The following CLMN variants were observed in gnomAD, a reference collection of about 807,000 sequenced individuals.
CLMN encodes the protein calmin (calponin-like, transmembrane).
CLMN carries 57 observed loss-of-function variants against 92.7 expected under a neutral mutation model. The ratio of observed to expected loss-of-function variants is 0.61; its 90% CI spans 0.50 to 0.77. The LOEUF is 0.77. CLMN is among the 30% of genes least tolerant of loss of function. The pLI is 0.00. For missense variants in CLMN, 1,158 were observed against 1,237.5 expected (o/e 0.94, Z 0.96); for synonymous variants, 466 against 470.6 (o/e 0.99, Z 0.13).
chr14:95,297,034 C>T (rs1900835197), intron 1 of CLMN, among the ~76,000 whole-genome samples: 3 of 152,078 alleles, frequency 2.0e-5, no homozygotes, highest in African/African-American at 7.2e-5. Context: ...GTTCTGGGCT[C>T]GGTGCTTGCC....
chr14:95,261,302 G>C (rs1243009816), intron 1 of CLMN, among the ~76,000 whole-genome samples: 1 of 152,164 alleles, frequency 6.6e-6, no homozygotes, highest in Non-Finnish European at 1.5e-5. Flanking sequence ...ACCTCCGCTG[G>C]GAACGTGCGC....
intron 1 of CLMN, among the ~76,000 whole-genome samples, chr14:95,288,774 G>A (rs187415207): frequency 3.3e-5 from 5 of 152,308 alleles, no homozygotes; most frequent in Admixed American, 6.5e-5. Context: ...GTTCTTCACA[G>A]CACATTCATA....
In CLMN at chr14:95,222,380, G is replaced by T. The variant is rs1461125210; in HGVS notation, c.241-606C>A. On this transcript the variant is annotated intron_variant, in intron 3 of 12. Coordinates refer to ENST00000298912, the MANE Select transcript of CLMN (RefSeq NM_024734.4). ...TGACAAGGTTAGCTCTACATACCAGGAATACCATCACAGCCAACTCACCCT... is the reference window on the plus strand; with the variant it reads ...TGACAAGGTTAGCTCTACATACCAGTAATACCATCACAGCCAACTCACCCT... 13 of 327,260 alleles carry T rather than the reference G, an allele frequency of 4.0e-5. No homozygotes were observed. The Admixed American group carries it at 5.2e-4, about 13-fold the overall frequency. 20.3% of individuals were successfully genotyped at this position (327,260 alleles called of 1,614,324 possible).
chr14:95,318,560 G>T (rs1248585793), intron 1 of CLMN, among the ~76,000 whole-genome samples: 2 of 152,096 alleles, frequency 1.3e-5, no homozygotes, highest in Non-Finnish European at 2.9e-5. Flanking sequence ...CAGCGCTGGG[G>T]CTCCCTACCC....
At chr14:95,282,284 A>G (rs1038487773) in intron 1 of CLMN, among the ~76,000 whole-genome samples, 1 of 151,974 alleles carries the variant, frequency 6.6e-6, no homozygotes, top group Non-Finnish European at 1.5e-5. Flanking sequence ...AGAGTGGCCA[A>G]ACCAGACTTC....
At chr14:95,281,403 T>A (rs1003278468) in intron 1 of CLMN, among the ~76,000 whole-genome samples, 1 of 152,230 alleles carries the variant, frequency 6.6e-6, no homozygotes, top group Non-Finnish European at 1.5e-5. Context: ...AGTCCTACTG[T>A]TACTTCTTTT....
chr14:95,294,269 G>A lies in CLMN; in HGVS notation c.82+25442C>T, dbSNP rs532983756. 2.1e-4 allele frequency among the ~76,000 whole-genome samples: 32 copies of A among 152,346 alleles called. No homozygotes were observed. Among genetic ancestry groups the A allele is most frequent in the African/African-American group, 6.5e-4 (27 of 41,582 alleles). On this transcript the variant is annotated intron_variant, in intron 1 of 12. Transcript: ENST00000298912. This position sits in a 1 kb window ranked among gnomAD's most constrained non-coding sequence, Gnocchi z 4.2. ...GAAAAGGCATGGCCCCTGCTTGCAC[G>A]GGGAAGACAAAATTTAACCAAGAAA...
intron 1 of CLMN, among the ~76,000 whole-genome samples, chr14:95,306,329 C>G (rs10137236): frequency 0.087 from 13,302 of 152,110 alleles, 808 homozygotes; most frequent in African/African-American, 0.17. Context: ...CTGGCCTACA[C>G]GGTGAAACCC....
At chr14:95,263,439 C>T (rs1027193211) in intron 1 of CLMN, among the ~76,000 whole-genome samples, 1 of 152,148 alleles carries the variant, frequency 6.6e-6, no homozygotes, top group Non-Finnish European at 1.5e-5. Context: ...CAGCCAAACC[C>T]TATTACCCAC....
Position 95,196,611 on chromosome 14 carries a change from C to CT in CLMN, c.2594dup (p.Glu866GlyfsTer25), listed in dbSNP as rs765275173. ...CGTGGTCCACATGTTTCCTTTTTTC[C>CT]TTTTTTTTACTACTGATTGATTCTT... is the stretch of plus-strand genomic sequence containing the variant. On this transcript the variant is annotated frameshift_variant, in exon 10 of 13. Coordinates refer to ENST00000298912, the MANE Select transcript of CLMN (RefSeq NM_024734.4). LOFTEE classifies it high-confidence loss of function. 5.5e-5 allele frequency: 89 copies of CT among 1,613,688 alleles called. No homozygotes were observed. Among genetic ancestry groups the CT allele is most frequent in the South Asian group, 9.9e-5 (9 of 91,064 alleles).
chr14:95,257,022 C>G (rs1052562797), intron 1 of CLMN, among the ~76,000 whole-genome samples: 1 of 152,196 alleles, frequency 6.6e-6, no homozygotes, highest in Non-Finnish European at 1.5e-5. Flanking sequence ...GAGGGGGACA[C>G]AGAGGAGGGA....
In CLMN at chr14:95,185,281, C is replaced by T. The variant is rs8020060; in HGVS notation, c.*6283G>A. 6,349 of 152,348 alleles carry T rather than the reference C, an allele frequency of 0.042. 179 individuals are homozygous for T. The highest frequency in any genetic ancestry group is 0.11 in the Middle Eastern group (32 of 294). 9.4% of individuals were successfully genotyped at this position (152,348 alleles called of 1,614,324 possible). The stretch of plus-strand genomic sequence containing the variant: ...AAGGAAATGCCTGATGAGAGCAAGG[C>T]GCAAGATCTGTGGAGCTCAAGGGGA... On this transcript the variant is annotated 3_prime_UTR_variant, in exon 13 of 13. Coordinates refer to ENST00000298912, the MANE Select transcript of CLMN (RefSeq NM_024734.4).
chr14:95,282,396 G>T (rs1022775642), intron 1 of CLMN, among the ~76,000 whole-genome samples: 1 of 152,212 alleles, frequency 6.6e-6, no homozygotes, highest in Non-Finnish European at 1.5e-5. Context: ...GTCTAGGCAT[G>T]TGTGATGGAG....
Position 95,295,666 on chromosome 14 carries a change from C to A in CLMN, c.82+24045G>T, listed in dbSNP as rs11849418. ...CACAAAAACAAAGGGGTGGGAGAGG[C>A]CCGTTGGGACAAAGGTCAGTGTTCT... On this transcript the variant is annotated intron_variant, in intron 1 of 12. Coordinates refer to ENST00000298912, the MANE Select transcript of CLMN (RefSeq NM_024734.4). Among the ~76,000 whole-genome samples, 761 of 152,330 alleles carry A rather than the reference C, an allele frequency of 5.0e-3. 2 individuals are homozygous for A. Among genetic ancestry groups the A allele is most frequent in the African/African-American group, 0.017 (716 of 41,558 alleles).
intron 4 of CLMN, among the ~76,000 whole-genome samples, chr14:95,220,457 G>A (rs916953215): frequency 3.3e-5 from 5 of 152,156 alleles, no homozygotes; most frequent in Non-Finnish European, 5.9e-5. Context: ...GATTACAGGC[G>A]TGAGCCACCG....
intron 1 of CLMN, among the ~76,000 whole-genome samples, chr14:95,239,812 C>T (rs1321164244): frequency 6.6e-6 from 1 of 152,200 alleles, no homozygotes; most frequent in East Asian, 1.9e-4. Flanking sequence ...AACGTTCTTA[C>T]AGAATCCTGC....
At chr14:95,295,481 G>T (rs369983545) in intron 1 of CLMN, among the ~76,000 whole-genome samples, 4 of 152,330 alleles carry the variant, frequency 2.6e-5, no homozygotes, top group East Asian at 3.9e-4. Flanking sequence ...CTGCACAGGG[G>T]ATACGTACGG....
At chr14:95,226,325 G>T (rs1897710065) in intron 2 of CLMN, among the ~76,000 whole-genome samples, 1 of 152,016 alleles carries the variant, frequency 6.6e-6, no homozygotes, top group South Asian at 2.1e-4. Flanking sequence ...CTATCGTTCA[G>T]GGAGTAATGA....
intron 3 of CLMN, among the ~76,000 whole-genome samples, 174 bp downstream of exon 3, chr14:95,223,578 TTAAAAAAA>T: frequency 1.3e-5 from 2 of 152,016 alleles, no homozygotes; most frequent in African/African-American, 4.8e-5. Context: ...ATACATTGGC[TTAAAAAAA>T]AAAGTACTAG....
Sources: allele counts gnomAD v4.1 joint callset (sites outside exome capture counted in the v4.1 genomes callset), GRCh38; gene constraint gnomAD v4.1.1; non-coding constraint Gnocchi (gnomAD v3.1); transcripts MANE v1.5; gene names NCBI Gene and HGNC (gene_info 2026-07-23, HGNC 2026-07-21).